The following ATRNL1 variants were observed in gnomAD, a reference collection of about 807,000 sequenced individuals.
The protein encoded by ATRNL1 is attractin-like protein 1.
ATRNL1 carries 95 observed loss-of-function variants against 182.7 expected under a neutral mutation model. The observed-to-expected ratio is 0.52, with a 90% CI of 0.44 to 0.62. The LOEUF (loss-of-function observed/expected upper bound fraction) is 0.62. Ranked by LOEUF, ATRNL1 falls within the 20% of genes least tolerant of loss-of-function variation. ATRNL1 has a pLI of 0.00. For synonymous variants in ATRNL1, 576 were observed against 568.3 expected, an observed-to-expected ratio of 1.01 and a Z score of -0.19; for missense variants, 1,471 against 1,679.5, an observed-to-expected ratio of 0.88 and a Z score of 2.17.
chr10:115,534,203 G>T (rs550359417), intron 25 of ATRNL1, among the ~76,000 whole-genome samples: 1 of 151,192 alleles, frequency 6.6e-6, no homozygotes, highest in Non-Finnish European at 1.5e-5. Context: ...TGACAGTGGG[G>T]TGTTAAAGTC....
intron 27 of ATRNL1, among the ~76,000 whole-genome samples, chr10:115,813,035 C>A (rs1950082818): frequency 6.6e-6 from 1 of 151,996 alleles, no homozygotes; most frequent in Admixed American, 6.6e-5. Flanking sequence ...ATTCCCTAGC[C>A]AGATTGCCAT....
intron 27 of ATRNL1, among the ~76,000 whole-genome samples, chr10:115,814,105 C>T (rs1565402213): frequency 6.6e-6 from 1 of 151,976 alleles, no homozygotes; most frequent in African/African-American, 2.4e-5. Context: ...AGGTCAACAC[C>T]CAGCTCACTC....
chr10:115,543,425 G>T (rs1263472840), intron 25 of ATRNL1, among the ~76,000 whole-genome samples: 2 of 152,112 alleles, frequency 1.3e-5, no homozygotes, highest in African/African-American at 2.4e-5. Flanking sequence ...AAAATTGAAA[G>T]ATAGTTTGTG....
At chr10:115,843,269 G>A (rs1359618498) in intron 27 of ATRNL1, among the ~76,000 whole-genome samples, 26 of 152,070 alleles carry the variant, frequency 1.7e-4, no homozygotes, top group Admixed American at 1.7e-3. Context: ...CAAGCACCGT[G>A]CTTGGACATT....
rs1455955894 is a variant in ATRNL1 at position 115,694,945 on chromosome 10, A to ACACG, written c.3796-32300_3796-32299insGCAC. Among the ~76,000 whole-genome samples, 12 of 60,782 alleles carry ACACG rather than the reference A, an allele frequency of 2.0e-4. No homozygotes were observed. The East Asian group carries it at 2.5e-3, about 13-fold the overall frequency. 39.9% of individuals were successfully genotyped at this position (60,782 alleles called of 152,430 possible). A position where few individuals can be genotyped will look rare whatever the true frequency, so the allele number is the denominator to read the frequency against. On this transcript the variant is annotated intron_variant, in intron 26 of 28. Transcript: ENST00000355044. ...CACACACACACATGCACACACGCACACACACACACACACACAGAGTATCTT... is the reference window on the plus strand; with the variant it reads ...CACACACACACATGCACACACGCACACACGCACACACACACACACAGAGTATCTT...
chr10:115,248,473 A>G (rs1408622941), intron 10 of ATRNL1, among the ~76,000 whole-genome samples: 1 of 152,216 alleles, frequency 6.6e-6, no homozygotes, highest in East Asian at 1.9e-4. Flanking sequence ...AGTAGGATTC[A>G]TTCTAGGAAT....
intron 8 of ATRNL1, among the ~76,000 whole-genome samples, chr10:115,201,366 C>T (rs1417951067): frequency 7.4e-4 from 112 of 152,164 alleles, no homozygotes; most frequent in African/African-American, 2.6e-3. Context: ...GGTTTTAGGT[C>T]TAACATTTAA....
chr10:115,478,401 C>G (rs781798469), intron 24 of ATRNL1, among the ~76,000 whole-genome samples: 1 of 151,650 alleles, frequency 6.6e-6, no homozygotes, highest in African/African-American at 2.4e-5. Flanking sequence ...TTAGGTTTTT[C>G]TAGTTACTGT....
chr10:115,826,842 A>T (rs1389937184), intron 27 of ATRNL1, among the ~76,000 whole-genome samples: 3 of 152,174 alleles, frequency 2.0e-5, no homozygotes, highest in African/African-American at 7.2e-5. Context: ...GAAAGAACCA[A>T]TTGAAAAAGA....
chr10:115,860,540 T>G (rs993209305), intron 28 of ATRNL1, among the ~76,000 whole-genome samples: 2 of 151,658 alleles, frequency 1.3e-5, no homozygotes, highest in Non-Finnish European at 2.9e-5. Context: ...TAAAAAAAAA[T>G]GTATAAATGG....
At chr10:115,320,726 T>G (rs1163092468) in intron 18 of ATRNL1, among the ~76,000 whole-genome samples, 1 of 152,128 alleles carries the variant, frequency 6.6e-6, no homozygotes, top group Non-Finnish European at 1.5e-5. Context: ...CTTGTGCTGT[T>G]TTTTTTTCAG....
At chr10:115,208,001 G>A (rs1242307247) in intron 8 of ATRNL1, among the ~76,000 whole-genome samples, 1 of 151,914 alleles carries the variant, frequency 6.6e-6, no homozygotes, top group Non-Finnish European at 1.5e-5. Context: ...GCTTGATATT[G>A]TTATCCAGGT....
At chr10:115,729,235 G>T (rs1431996440) in intron 27 of ATRNL1, among the ~76,000 whole-genome samples, 1 of 151,950 alleles carries the variant, frequency 6.6e-6, no homozygotes, top group Non-Finnish European at 1.5e-5. Context: ...CCAAATGTTG[G>T]TTCTTTCTTT....
chr10:115,907,094 T>C (rs1555114745), intron 28 of ATRNL1, among the ~76,000 whole-genome samples: 1 of 148,634 alleles, frequency 6.7e-6, no homozygotes, highest in African/African-American at 2.6e-5. Flanking sequence ...ATTTGAGGTC[T>C]AGAAAGTCCA....
intron 4 of ATRNL1, among the ~76,000 whole-genome samples, chr10:115,128,875 C>T (rs1845095943): frequency 6.6e-6 from 1 of 150,894 alleles, no homozygotes; most frequent in African/African-American, 2.4e-5. Flanking sequence ...ATAAACATAC[C>T]TTTTCTTCAA....
intron 10 of ATRNL1, among the ~76,000 whole-genome samples, chr10:115,259,920 A>G (rs1851325464): frequency 6.6e-6 from 1 of 152,196 alleles, no homozygotes; most frequent in Non-Finnish European, 1.5e-5. Flanking sequence ...TTTGTGCCAG[A>G]AGGAAAGGAA....
intron 1 of ATRNL1, among the ~76,000 whole-genome samples, chr10:115,111,378 A>G (rs78048648): frequency 0.021 from 3,265 of 152,302 alleles, 45 homozygotes; most frequent in Non-Finnish European, 0.029. Flanking sequence ...TTGACGCTGG[A>G]TAATGTGTAA....
Position 115,418,508 on chromosome 10 carries a change from G to A in ATRNL1, c.3270-7742G>A, listed in dbSNP as rs552770206. ...TGTTATTAGAATTCAAGAAGGAGTT[G>A]AGAGACAAAGGGGCCAAAAACTTAT... is the stretch of plus-strand genomic sequence containing the variant. On this transcript the variant is annotated intron_variant, in intron 20 of 28. Coordinates refer to ENST00000355044, the MANE Select transcript of ATRNL1 (RefSeq NM_207303.4). 2.6e-4 allele frequency among the ~76,000 whole-genome samples: 40 copies of A among 151,984 alleles called. 1 individual carries two copies. Among genetic ancestry groups the A allele is most frequent in the Non-Finnish European group, 5.3e-4 (36 of 68,004 alleles).
intron 5 of ATRNL1, among the ~76,000 whole-genome samples, chr10:115,134,069 G>A (rs1845390635): frequency 1.3e-5 from 2 of 152,048 alleles, no homozygotes; most frequent in Non-Finnish European, 1.5e-5. Flanking sequence ...AGCACTAAAT[G>A]CCCACAACAG....
Sources: allele counts gnomAD v4.1 joint callset (sites outside exome capture counted in the v4.1 genomes callset), GRCh38; gene constraint gnomAD v4.1.1; transcripts MANE v1.5; gene names NCBI Gene and HGNC (gene_info 2026-07-23, HGNC 2026-07-21).